The following ERP44 variants were observed in gnomAD, a reference collection of about 807,000 sequenced individuals.
The protein encoded by ERP44 is endoplasmic reticulum protein 44, also known as endoplasmic reticulum resident protein 44.
In ERP44, 25 loss-of-function variants were observed where a neutral mutation model predicts 53.4. The ratio of observed to expected loss-of-function variants is 0.47; its 90% confidence interval spans 0.34 to 0.65. ERP44 has a LOEUF of 0.65. Among genes scored for constraint, ERP44 ranks in the 30% least tolerant of loss-of-function variants. The probability of loss-of-function intolerance (pLI) is 0.01; values close to 1 mark genes in which losing one functional copy is unlikely to be tolerated. For synonymous variants in ERP44, 145 were observed against 161.2 expected, an observed-to-expected ratio of 0.90 and a Z score of 0.76; for missense variants, 338 against 493.2, an observed-to-expected ratio of 0.69 and a Z score of 2.98.
At position 99,981,587 on chromosome 9, in the gene ERP44, T is replaced by C. The variant is rs1441050398; in HGVS notation, c.*1025A>G. On this transcript the variant is annotated 3_prime_UTR_variant, in exon 12 of 12. Transcript: ENST00000262455. The stretch of plus-strand genomic sequence containing the variant: ...CCTCTGGTTTTATTCCCTGGCAGTA[T>C]TGAGGCCTGGCACAGGGACCCATCT... 3 of 152,610 alleles carry C rather than the reference T, an allele frequency of 2.0e-5. No individual in the cohort carries two copies. Among genetic ancestry groups the C allele is most frequent in the Admixed American group, 1.3e-4 (2 of 15,272 alleles). The allele number at this position is 152,610 out of a possible 1,614,324, so 9.5% of individuals were successfully genotyped here.
intron 1 of ERP44, among the ~76,000 whole-genome samples, chr9:100,081,492 TTTAC>T (rs895625316): frequency 2.0e-5 from 3 of 152,024 alleles, no homozygotes; most frequent in African/African-American, 4.8e-5. Flanking sequence ...TAAATTTTAA[TTTAC>T]TTCTCTCATT....
intron 4 of ERP44, among the ~76,000 whole-genome samples, chr9:100,038,864 CA>C (rs1253436415): frequency 6.6e-6 from 1 of 151,924 alleles, no homozygotes; most frequent in African/African-American, 2.4e-5. Context: ...TTATATCAGA[CA>C]AAATAGATTT....
intron 8 of ERP44, among the ~76,000 whole-genome samples, chr9:100,012,043 A>C (rs1830481605): frequency 6.6e-6 from 1 of 152,154 alleles, no homozygotes; most frequent in African/African-American, 2.4e-5. Flanking sequence ...ACTCCCCGAA[A>C]TTCTAAAAAA....
intron 10 of ERP44, among the ~76,000 whole-genome samples, chr9:100,003,941 G>A (rs894026851): frequency 1.3e-5 from 2 of 152,196 alleles, no homozygotes; most frequent in Admixed American, 6.5e-5. Context: ...GTCTACTGGA[G>A]CAAACCTAGA....
chr9:99,997,627 C>T (rs774117971), intron 10 of ERP44, among the ~76,000 whole-genome samples: 4 of 152,158 alleles, frequency 2.6e-5, no homozygotes, highest in Non-Finnish European at 5.9e-5. Flanking sequence ...TTGGGCAAAT[C>T]CTTAAACCAT....
At chr9:100,019,509 A>G (rs1830562924) in intron 6 of ERP44, among the ~76,000 whole-genome samples, 1 of 152,246 alleles carries the variant, frequency 6.6e-6, no homozygotes, top group Non-Finnish European at 1.5e-5. Context: ...TCCAGGCTCC[A>G]TTCAAGATAG....
intron 4 of ERP44, among the ~76,000 whole-genome samples, chr9:100,038,048 CCA>C (rs1285535695): frequency 6.6e-6 from 1 of 151,876 alleles, no homozygotes; most frequent in East Asian, 1.9e-4. Flanking sequence ...AAAGACTTTC[CCA>C]CACAAACAAA....
Position 100,016,401 on chromosome 9 carries a change from G to A in ERP44, c.683C>T (p.Thr228Ile), listed in dbSNP as rs750894626. The change falls in exon 8 of 12, where the codon ACA becomes ATA. Residue 228 changes from threonine (T) to isoleucine (I), a missense_variant. Physicochemically the swap from Thr to Ile is moderately conservative, Grantham distance 89. This residue lies in a region of ERP44 where 224 missense variants were observed against 301.4 expected (regional missense o/e 0.74). Transcript: ENST00000262455. ...APDMVYLGAM[T>I]NFDVTYNWIQ... ...CCAATTGTAAGTCACATCAAAATTT[G>A]TCATAGCTCCCAAGTACACCATATC... 6.2e-7 allele frequency: 1 copy of A among 1,611,756 alleles called. No individual in the cohort carries two copies. Among genetic ancestry groups the A allele is most frequent in the Non-Finnish European group, 8.5e-7 (1 of 1,179,220 alleles).
chr9:100,091,288 T>G (rs969688450), intron 1 of ERP44, among the ~76,000 whole-genome samples: 6 of 152,212 alleles, frequency 3.9e-5, no homozygotes, highest in African/African-American at 1.4e-4. Context: ...AGAATTCGAT[T>G]TCAGTCTTTG....
At position 100,019,312 on chromosome 9, in the gene ERP44, C is replaced by T. The variant is rs182456397; in HGVS notation, c.588-999G>A. Among the ~76,000 whole-genome samples, 687 of 151,986 alleles carry T rather than the reference C, an allele frequency of 4.5e-3. 3 individuals are homozygous for T. The highest frequency in any genetic ancestry group is 4.7e-3 in the Non-Finnish European group (319 of 67,934). On this transcript the variant is annotated intron_variant, in intron 6 of 11. Coordinates refer to ENST00000262455, the MANE Select transcript of ERP44 (RefSeq NM_015051.3). ...TAATCCCAGCACTTTTGGAGGCAGA[C>T]GTGGGAGGATCACTTGAGGCCAGGA...
intron 3 of ERP44, 64 bp downstream of exon 3, chr9:100,057,756 G>T: frequency 8.0e-7 from 1 of 1,247,880 alleles, no homozygotes; most frequent in Non-Finnish European, 1.2e-6. Flanking sequence ...CCCCTTTCTA[G>T]CAAAGAAAAA....
intron 8 of ERP44, 137 bp from the exon 9 acceptor site, chr9:100,007,826 G>A: frequency 1.6e-6 from 1 of 644,730 alleles, no homozygotes; most frequent in Non-Finnish European, 2.8e-6. Context: ...AAGGCCCAGT[G>A]GTGTGAATAA....
chr9:100,070,509 G>A (rs1238178904), intron 1 of ERP44, among the ~76,000 whole-genome samples: 1 of 152,164 alleles, frequency 6.6e-6, no homozygotes, highest in Non-Finnish European at 1.5e-5. Flanking sequence ...TCAGTACTCT[G>A]TTTTTGCCTG....
chr9:100,078,186 G>A (rs576216465), intron 1 of ERP44, among the ~76,000 whole-genome samples: 171 of 152,264 alleles, frequency 1.1e-3, no homozygotes, highest in African/African-American at 3.7e-3. Context: ...GGCCAGGTGC[G>A]GTGGCTCATG....
At chr9:100,095,744 G>A (rs984858812) in intron 1 of ERP44, among the ~76,000 whole-genome samples, 5 of 152,054 alleles carry the variant, frequency 3.3e-5, no homozygotes, top group Admixed American at 1.3e-4. Flanking sequence ...TCTAGGGTAA[G>A]TTAAATCAAC....
chr9:99,986,344 A>G (rs1830195469), intron 10 of ERP44, among the ~76,000 whole-genome samples: 1 of 152,200 alleles, frequency 6.6e-6, no homozygotes, highest in Non-Finnish European at 1.5e-5. Flanking sequence ...TCACAAATTA[A>G]GCATTTTTTT....
At chr9:100,089,531 A>G (rs1167396253) in intron 1 of ERP44, among the ~76,000 whole-genome samples, 1 of 148,350 alleles carries the variant, frequency 6.7e-6, no homozygotes, top group African/African-American at 2.5e-5. Flanking sequence ...CAGTGAACCA[A>G]TATCACGCCA....
intron 10 of ERP44, among the ~76,000 whole-genome samples, chr9:100,000,388 A>T (rs1830363268): frequency 6.8e-6 from 1 of 147,938 alleles, no homozygotes; most frequent in African/African-American, 2.5e-5. Context: ...GTGAGTTATG[A>T]TTGCTCCACT....
At chr9:100,047,989 T>C (rs757094706) in intron 4 of ERP44, among the ~76,000 whole-genome samples, 1 of 147,260 alleles carries the variant, frequency 6.8e-6, no homozygotes, top group Non-Finnish European at 1.5e-5. Context: ...GAAAAAATAC[T>C]GAACATCACT....
Sources: gnomAD v4.1 joint callset for allele counts (sites outside exome capture counted in the v4.1 genomes callset) on GRCh38, gnomAD v4.1.1 for gene constraint, gnomAD v4.1.1 regional missense constraint, MANE v1.5 for transcripts, NCBI Gene and HGNC (gene_info 2026-07-23, HGNC 2026-07-21) for gene names.